Variants in JHY observed in about 807,000 individuals in gnomAD.
The protein encoded by JHY is jhy protein homolog.
In JHY, 69 loss-of-function variants were observed where a neutral mutation model predicts 78.0. The observed-to-expected ratio is 0.88, with a 90% confidence interval of 0.73 to 1.08. The LOEUF (loss-of-function observed/expected upper bound fraction) is 1.08, where lower values mean the gene tolerates loss of function less well. JHY is among the 50% of genes least tolerant of loss of function. JHY has a pLI of 0.00. For missense variants in JHY, 944 were observed against 927.8 expected (o/e 1.02, Z -0.23); for synonymous variants, 368 against 342.6 (o/e 1.07, Z -0.82).
chr11:122,907,426 TCTTCCATCAC>T (rs1276722825), intron 3 of JHY, among the ~76,000 whole-genome samples: 1 of 152,076 alleles, frequency 6.6e-6, no homozygotes, highest in Non-Finnish European at 1.5e-5. Context: ...AAAATGTATC[TCTTCCATCAC>T]CTCCAAACTG....
intron 6 of JHY, among the ~76,000 whole-genome samples, chr11:122,953,469 G>A (rs1024027937): frequency 3.3e-5 from 5 of 151,912 alleles, no homozygotes; most frequent in Non-Finnish European, 7.4e-5. Context: ...AGACATGGTG[G>A]CAGGCGCCTG....
chr11:122,895,789 A>AT (rs1005383723), intron 2 of JHY, among the ~76,000 whole-genome samples: 2 of 152,148 alleles, frequency 1.3e-5, no homozygotes, highest in Non-Finnish European at 2.9e-5. Flanking sequence ...CTTCACACTC[A>AT]TTTTGTCCCA....
chr11:122,912,570 G>A (rs1007104095), intron 3 of JHY, among the ~76,000 whole-genome samples: 2 of 151,822 alleles, frequency 1.3e-5, no homozygotes, highest in East Asian at 1.9e-4. Flanking sequence ...GCTCAACCTC[G>A]TCTCCACCAA....
At chr11:122,897,267 C>T (rs1193395398) in intron 2 of JHY, among the ~76,000 whole-genome samples, 1 of 151,932 alleles carries the variant, frequency 6.6e-6, no homozygotes, top group Admixed American at 6.6e-5. Context: ...CTGTGTTGCC[C>T]AAGCTGGAGT....
chr11:122,939,300 A>C (rs906987410), intron 5 of JHY, among the ~76,000 whole-genome samples: 1 of 151,954 alleles, frequency 6.6e-6, no homozygotes, highest in African/African-American at 2.4e-5. Flanking sequence ...CTGCTTCTTA[A>C]ACAGACTTTC....
intron 3 of JHY, among the ~76,000 whole-genome samples, chr11:122,910,700 G>A (rs987166700): frequency 6.6e-6 from 1 of 152,096 alleles, no homozygotes; most frequent in African/African-American, 2.4e-5. Flanking sequence ...ACAAAAATAG[G>A]AGGAGACATT....
At chr11:122,916,667 T>A (rs894245060) in intron 3 of JHY, among the ~76,000 whole-genome samples, 1 of 152,146 alleles carries the variant, frequency 6.6e-6, no homozygotes, top group Admixed American at 6.6e-5. Context: ...TGAGATGTAG[T>A]CTCCCTCTGT....
chr11:122,913,072 G>A (rs1428300937), intron 3 of JHY, among the ~76,000 whole-genome samples: 2 of 152,024 alleles, frequency 1.3e-5, no homozygotes, highest in Non-Finnish European at 2.9e-5. Context: ...AGAACAAAGT[G>A]TAGGCAAAAC....
At chr11:122,905,618 A>G in intron 3 of JHY, 1 of 989,020 alleles carries the variant, frequency 1.0e-6, no homozygotes, top group South Asian at 4.7e-5. Context: ...CTGTAATCCC[A>G]GCACTTTGGG....
At chr11:122,926,673 G>A (rs1166090366) in intron 4 of JHY, among the ~76,000 whole-genome samples, 1 of 152,158 alleles carries the variant, frequency 6.6e-6, no homozygotes, top group African/African-American at 2.4e-5. Flanking sequence ...TGGTCAACAG[G>A]AACCAGGGAC....
rs112532693 is a variant in JHY at position 122,961,319 on chromosome 11, G to GT, written c.*1882dup. On this transcript the variant is annotated 3_prime_UTR_variant, in exon 9 of 9. Coordinates refer to ENST00000227349, the MANE Select transcript of JHY (RefSeq NM_024806.4). ...GTTCCATGATCATTTTTTTATTGTT[G>GT]TTTTTTTTGCTGTTGTTGTTGTTTT... 3.3e-5 allele frequency among the ~76,000 whole-genome samples: 5 copies of GT among 151,350 alleles called. No individual in the cohort carries two copies. Among genetic ancestry groups the GT allele is most frequent in the South Asian group, 2.1e-4 (1 of 4,798 alleles).
chr11:122,951,068 C>G (rs1240241303), intron 6 of JHY, among the ~76,000 whole-genome samples: 1 of 152,184 alleles, frequency 6.6e-6, no homozygotes, highest in Non-Finnish European at 1.5e-5. Flanking sequence ...AGGCACCAGA[C>G]AGAGGGGATC....
At chr11:122,896,829 A>G (rs1029523786) in intron 2 of JHY, among the ~76,000 whole-genome samples, 4 of 152,092 alleles carry the variant, frequency 2.6e-5, no homozygotes, top group Admixed American at 1.3e-4. Context: ...CCAGGGACAC[A>G]GTTCTATGCA....
rs1233973728 is a variant in JHY, at chr11:122,904,425, G to A, written c.845G>A (p.Gly282Glu). ...SYLQLHNKKR[G>E]ESHPEQISYP... ...CTTCAACTTCACAATAAAAAAAGAG[G>A]GGAATCTCATCCAGAACAGGTACGT... Residue 282 changes from glycine (G) to glutamate (E), a missense_variant, in exon 3 of 9, where the codon GGG becomes GAG. Coordinates refer to ENST00000227349, the MANE Select transcript of JHY (RefSeq NM_024806.4). The A allele has an allele frequency of 6.2e-7, 1 of 1,613,138 alleles. No individual in the cohort carries two copies. Among genetic ancestry groups the A allele is most frequent in the Non-Finnish European group, 8.5e-7 (1 of 1,179,406 alleles).
rs997860266 is a variant in JHY at position 122,962,381 on chromosome 11, T to C, written c.*2936T>C. 2.0e-5 allele frequency among the ~76,000 whole-genome samples: 3 copies of C among 152,216 alleles called. No individual in the cohort carries two copies. The highest frequency in any genetic ancestry group is 7.2e-5 in the African/African-American group (3 of 41,472). ...AAAGATGCCTGTATGAAACCTTCTC[T>C]TAAAACTGAAAGCAGTTAGAATTGA... On this transcript the variant is annotated 3_prime_UTR_variant, in exon 9 of 9. Coordinates refer to ENST00000227349, the MANE Select transcript of JHY (RefSeq NM_024806.4).
At chr11:122,949,966 TG>T (rs1382234235) in intron 6 of JHY, among the ~76,000 whole-genome samples, 1 of 151,798 alleles carries the variant, frequency 6.6e-6, no homozygotes, top group Non-Finnish European at 1.5e-5. Context: ...CAGGAGTATC[TG>T]GGATTACAGG....
rs1362538793 is a variant in JHY at position 122,934,963 on chromosome 11, C to T, written c.1522C>T (p.Gln508Ter). 1.2e-5 allele frequency: 20 copies of T among 1,613,898 alleles called. No individual in the cohort carries two copies. The highest frequency in any genetic ancestry group is 1.6e-5 in the Non-Finnish European group (19 of 1,179,998). The change falls in exon 5 of 9, where the codon CAG becomes TAG. Residue 508 changes from glutamine to a stop codon, truncating the protein, a stop_gained. Coordinates refer to ENST00000227349, the MANE Select transcript of JHY (RefSeq NM_024806.4). LOFTEE classifies it high-confidence loss of function. Reference protein sequence around the residue: ...ELSKRHVLLSQKGSQFVYHIN... With the variant: ...ELSKRHVLLS ...TTCTAAGAGACACGTGCTCCTGAGC[C>T]AGAAAGGCTCTCAGTTTGTTTATCA...
At chr11:122,933,742 G>A (rs890805271) in intron 4 of JHY, among the ~76,000 whole-genome samples, 3 of 152,158 alleles carry the variant, frequency 2.0e-5, no homozygotes, top group African/African-American at 4.8e-5. Flanking sequence ...TGACCAGCAT[G>A]AGTAAAAAGA....
chr11:122,946,807 A>G lies in JHY; in HGVS notation c.1929+15A>G, dbSNP rs1391857660. On this transcript the variant is annotated intron_variant, in intron 6 of 8. Transcript: ENST00000227349. Reference sequence around the variant, plus strand: ...GCAGCAGTAAGGTAATAAAAGCGCCATTTTTACCAAGTAACTCTTCCATTT... The same window carrying G: ...GCAGCAGTAAGGTAATAAAAGCGCCGTTTTTACCAAGTAACTCTTCCATTT... The G allele has an allele frequency of 2.5e-6, 4 of 1,590,646 alleles. No individual in the cohort carries two copies. Among genetic ancestry groups the G allele is most frequent in the Admixed American group, 1.8e-5 (1 of 55,062 alleles).
Sources: gnomAD v4.1 joint callset for allele counts (sites outside exome capture counted in the v4.1 genomes callset) on GRCh38, gnomAD v4.1.1 for gene constraint, MANE v1.5 for transcripts, NCBI Gene and HGNC (gene_info 2026-07-23, HGNC 2026-07-21) for gene names.